The following CACHD1 variants were observed in gnomAD, a reference collection of about 807,000 sequenced individuals.
CACHD1 encodes the protein cache domain containing 1.
A neutral mutation model predicts 138.7 loss-of-function variants in CACHD1; 71 were observed. That is an observed-to-expected ratio of 0.51 (90% CI 0.42 to 0.62). The LOEUF is 0.62. Among genes scored for constraint, CACHD1 ranks in the 20% least tolerant of loss-of-function variants. The pLI is 0.00. For synonymous variants in CACHD1, 578 were observed against 591.5 expected (o/e 0.98, Z 0.33); for missense variants, 1,389 against 1,625.3 (o/e 0.85, Z 2.50).
At chr1:64,611,585 A>ATAGCAAGAGTGC (rs1386108234) in intron 4 of CACHD1, among the ~76,000 whole-genome samples, 2 of 152,244 alleles carry the variant, frequency 1.3e-5, no homozygotes, top group Admixed American at 6.5e-5. Flanking sequence ...TTGCTAAAGC[A>ATAGCAAGAGTGC]TAGCAAGAGT....
chr1:64,622,055 C>G (rs1019559099), intron 4 of CACHD1, among the ~76,000 whole-genome samples: 2 of 152,084 alleles, frequency 1.3e-5, no homozygotes, highest in African/African-American at 4.8e-5. Context: ...TGATAAGTAC[C>G]AATCCGAATT....
At chr1:64,592,328 C>T (rs1647112949) in intron 3 of CACHD1, among the ~76,000 whole-genome samples, 1 of 152,184 alleles carries the variant, frequency 6.6e-6, no homozygotes, top group Admixed American at 6.5e-5. Flanking sequence ...AGACATTGTA[C>T]TAGGTACTGT....
At chr1:64,569,862 C>A (rs1028979191) in intron 2 of CACHD1, among the ~76,000 whole-genome samples, 1 of 152,150 alleles carries the variant, frequency 6.6e-6, no homozygotes, top group Non-Finnish European at 1.5e-5. Context: ...GCCAGCAAGC[C>A]TGTATCATGA....
At chr1:64,506,029 C>T (rs917180720) in intron 1 of CACHD1, 1 of 152,448 alleles carries the variant, frequency 6.6e-6, no homozygotes, top group Non-Finnish European at 1.5e-5. Context: ...CTGCCTTGGC[C>T]TGCATTTTAT....
rs201249642 is a variant in CACHD1 at position 64,676,000 on chromosome 1, T to TA, written c.2975+19dup. The TA allele has an allele frequency of 0.01, 1,232 of 119,514 alleles. 27 individuals carry two copies. In the African/African-American group the frequency reaches 0.2, roughly 19 times the overall value. 7.4% of individuals were successfully genotyped at this position (119,514 alleles called of 1,614,324 possible). On this transcript the variant is annotated intron_variant, in intron 21 of 26. Transcript: ENST00000651257. ...AGAGAACCGGTAAAATAATTAATAA[T>TA]AATAATAATAATAATAATAATAATA...
chr1:64,568,390 A>T (rs1646900179), intron 2 of CACHD1, among the ~76,000 whole-genome samples: 1 of 152,080 alleles, frequency 6.6e-6, no homozygotes, highest in Admixed American at 6.5e-5. Flanking sequence ...TGGAGGATAT[A>T]GCAACCCTTA....
At chr1:64,573,969 G>A (rs1490887677) in intron 2 of CACHD1, among the ~76,000 whole-genome samples, 3 of 152,122 alleles carry the variant, frequency 2.0e-5, no homozygotes, top group African/African-American at 4.8e-5. Flanking sequence ...CTTCAAATGA[G>A]GTAAGAACAA....
chr1:64,582,338 C>T (rs766065548), intron 3 of CACHD1, 34 bp downstream of exon 3: 5 of 1,581,944 alleles, frequency 3.2e-6, no homozygotes, highest in Admixed American at 3.4e-5. Flanking sequence ...GTTGTATAAA[C>T]CAGACATTGA....
At position 64,569,398 on chromosome 1, in the gene CACHD1, G is replaced by GT. The variant is rs573431079; in HGVS notation, c.262-12750dup. On this transcript the variant is annotated intron_variant, in intron 2 of 26. Transcript: ENST00000651257. ...TAAGTCTTGGAAATTCTGGTTACAG[G>GT]TTTTTTTTAGTGGTAGTGTTGTTTG... is the stretch of plus-strand genomic sequence containing the variant. Among the ~76,000 whole-genome samples, 919 of 152,090 alleles carry GT rather than the reference G, an allele frequency of 6.0e-3. 8 individuals are homozygous for GT. Among genetic ancestry groups the GT allele is most frequent in the African/African-American group, 0.021 (853 of 41,482 alleles).
chr1:64,470,734 G>T lies in CACHD1; in HGVS notation c.-11G>T. 1.7e-6 allele frequency: 1 copy of T among 591,832 alleles called. No individual in the cohort carries two copies. The highest frequency in any genetic ancestry group is 2.5e-5 in the South Asian group (1 of 40,210). The allele number at this position is 591,832 out of a possible 1,614,324, so 36.7% of individuals were successfully genotyped here. The stretch of plus-strand genomic sequence containing the variant: ...CCCGGAGCCCGTCGGCGGGGAGTGG[G>T]GGGAGGCAGCATGGCCCGCCAGCCG... On this transcript the variant is annotated 5_prime_UTR_variant, in exon 1 of 27. Coordinates refer to ENST00000651257, the MANE Select transcript of CACHD1 (RefSeq NM_020925.4). This position sits in a 1 kb window ranked among gnomAD's most constrained non-coding sequence, Gnocchi z 5.2.
At chr1:64,509,263 C>T (rs1189538504) in intron 1 of CACHD1, among the ~76,000 whole-genome samples, 2 of 151,968 alleles carry the variant, frequency 1.3e-5, no homozygotes. Context: ...CCTGTGTTAC[C>T]CGCCCCTTGT....
chr1:64,484,937 A>G (rs1320849067), intron 1 of CACHD1, among the ~76,000 whole-genome samples: 1 of 152,232 alleles, frequency 6.6e-6, no homozygotes, highest in Non-Finnish European at 1.5e-5. Flanking sequence ...TACTACAAAC[A>G]TGAGTGTACA....
chr1:64,533,740 T>TTCTC (rs1553130301), intron 1 of CACHD1, among the ~76,000 whole-genome samples: 86,459 of 129,266 alleles, frequency 0.67, 32,107 homozygotes, highest in Non-Finnish European at 0.8. Flanking sequence ...TATCTTTTTC[T>TTCTC]TCTCTCTCTT....
At chr1:64,579,455 A>G (rs1646994565) in intron 2 of CACHD1, among the ~76,000 whole-genome samples, 2 of 152,214 alleles carry the variant, frequency 1.3e-5, no homozygotes, top group African/African-American at 4.8e-5. Context: ...TGAATTTGTG[A>G]AGATATTTCA....
chr1:64,687,974 C>G (rs1374415683), intron 26 of CACHD1, among the ~76,000 whole-genome samples: 1 of 151,682 alleles, frequency 6.6e-6, no homozygotes, highest in Non-Finnish European at 1.5e-5. Context: ...CATGTAAAAT[C>G]ACAGAAGGAG....
intron 23 of CACHD1, among the ~76,000 whole-genome samples, chr1:64,678,761 C>T (rs1240392981): frequency 6.6e-6 from 1 of 152,180 alleles, no homozygotes; most frequent in Admixed American, 6.5e-5. Flanking sequence ...GAAGCCAGAG[C>T]TACCCAGTGC....
chr1:64,513,881 A>G (rs1646439992), intron 1 of CACHD1, among the ~76,000 whole-genome samples: 1 of 152,168 alleles, frequency 6.6e-6, no homozygotes, highest in Non-Finnish European at 1.5e-5. Context: ...AAGATGTAAA[A>G]TTTCCTGAAT....
intron 1 of CACHD1, among the ~76,000 whole-genome samples, chr1:64,515,040 A>AT (rs1646448906): frequency 6.6e-6 from 1 of 152,110 alleles, no homozygotes; most frequent in South Asian, 2.1e-4. Context: ...CATCCATGTG[A>AT]TTTTGGTCAT....
intron 2 of CACHD1, chr1:64,579,832 A>G (rs1263144076): frequency 1.3e-5 from 2 of 154,026 alleles, no homozygotes; most frequent in East Asian, 1.9e-4. Context: ...ACAAAAACAT[A>G]TATCGTATGT....
Sources: allele counts gnomAD v4.1 joint callset (sites outside exome capture counted in the v4.1 genomes callset), GRCh38; gene constraint gnomAD v4.1.1; non-coding constraint Gnocchi (gnomAD v3.1); transcripts MANE v1.5; gene names NCBI Gene and HGNC (gene_info 2026-07-23, HGNC 2026-07-21).